Variants in C8orf34 observed in about 807,000 individuals in gnomAD.
C8orf34 encodes the protein chromosome 8 open reading frame 34, also known as uncharacterized protein C8orf34.
In C8orf34, 65 loss-of-function variants were observed where a neutral mutation model predicts 68.3. That is an observed-to-expected ratio of 0.95 (90% CI 0.78 to 1.17). The LOEUF is 1.17. Ranked by LOEUF, C8orf34 falls within the 50% of genes most tolerant of loss-of-function variation. The pLI is 0.00. For synonymous variants in C8orf34, 244 were observed against 241.2 expected (o/e 1.01, Z -0.11); for missense variants, 664 against 655.4 (o/e 1.01, Z -0.14).
chr8:68,380,869 G>T (rs150348830), intron 1 of C8orf34, among the ~76,000 whole-genome samples: 1 of 152,200 alleles, frequency 6.6e-6, no homozygotes, highest in East Asian at 1.9e-4. Context: ...AGATTGTTTT[G>T]GGAAAACATT....
intron 8 of C8orf34, among the ~76,000 whole-genome samples, chr8:68,696,552 A>AG (rs1486536195): frequency 2.0e-5 from 3 of 151,710 alleles, no homozygotes; most frequent in African/African-American, 7.2e-5. Context: ...GAAGAGATAC[A>AG]AAATCTAATG....
At chr8:68,376,259 T>C (rs1807794397) in intron 1 of C8orf34, among the ~76,000 whole-genome samples, 1 of 140,664 alleles carries the variant, frequency 7.1e-6, no homozygotes, top group Non-Finnish European at 1.5e-5. Context: ...AAAGAAAAAG[T>C]GCAGCTCTTC....
At chr8:68,624,427 A>G (rs1182582505) in intron 7 of C8orf34, among the ~76,000 whole-genome samples, 1 of 152,218 alleles carries the variant, frequency 6.6e-6, no homozygotes, top group African/African-American at 2.4e-5. Flanking sequence ...AGGTGCATGT[A>G]TAACACTTCA....
intron 10 of C8orf34, among the ~76,000 whole-genome samples, chr8:68,763,422 A>G (rs1052412036): frequency 1.3e-5 from 2 of 152,200 alleles, no homozygotes; most frequent in East Asian, 1.9e-4. Flanking sequence ...GTGGTAGGCA[A>G]TTCAACTGGA....
At chr8:68,581,479 T>C (rs1002675604) in intron 7 of C8orf34, among the ~76,000 whole-genome samples, 1 of 152,112 alleles carries the variant, frequency 6.6e-6, no homozygotes, top group Non-Finnish European at 1.5e-5. Flanking sequence ...TTTCTGAATC[T>C]GCTGTTTTCT....
intron 8 of C8orf34, among the ~76,000 whole-genome samples, chr8:68,650,604 C>T (rs1198248862): frequency 6.6e-6 from 1 of 151,656 alleles, no homozygotes; most frequent in Admixed American, 6.6e-5. Context: ...CTCAGCCTCC[C>T]AAGTAGCTGG....
intron 5 of C8orf34, among the ~76,000 whole-genome samples, chr8:68,512,519 A>G (rs1204517265): frequency 6.6e-6 from 1 of 152,204 alleles, no homozygotes; most frequent in African/African-American, 2.4e-5. Flanking sequence ...GATATTATGA[A>G]ATAGAATTCC....
rs746097887 is a variant in C8orf34 at position 68,640,424 on chromosome 8, C to A, written c.1154C>A (p.Ser385Tyr). The A allele has an allele frequency of 6.2e-7, 1 of 1,613,832 alleles. No homozygotes were observed. The highest frequency in any genetic ancestry group is 1.3e-5 in the African/African-American group (1 of 74,988). ...RMEGVTTLVP[S>Y]GSKFNQGRPT... ...GAGGGAGTAACAACCCTGGTACCTT[C>A]TGGGAGCAAATTTAACCAAGGCCGT... The change falls in exon 8 of 14, where the codon TCT becomes TAT. Residue 385 changes from serine to tyrosine, a missense_variant. Ser to Tyr is a moderately radical substitution (Grantham distance 144). Coordinates refer to ENST00000518698, the MANE Select transcript of C8orf34 (RefSeq NM_052958.4).
At chr8:68,419,669 T>C (rs1309057180) in intron 1 of C8orf34, among the ~76,000 whole-genome samples, 1 of 151,704 alleles carries the variant, frequency 6.6e-6, no homozygotes, top group African/African-American at 2.4e-5. Context: ...TGAGTTCATG[T>C]CCTTTGTAGG....
intron 5 of C8orf34, among the ~76,000 whole-genome samples, chr8:68,509,623 A>AT: frequency 6.6e-6 from 1 of 152,114 alleles, no homozygotes; most frequent in Non-Finnish European, 1.5e-5. Flanking sequence ...AAAAGAAGGC[A>AT]TTTTTTAAAG....
intron 7 of C8orf34, among the ~76,000 whole-genome samples, chr8:68,579,970 G>T (rs1817015281): frequency 6.6e-6 from 1 of 151,996 alleles, no homozygotes; most frequent in African/African-American, 2.4e-5. Context: ...AGCCATCCGG[G>T]CTCAGGTTAT....
At chr8:68,434,944 G>A (rs1017924369) in intron 1 of C8orf34, among the ~76,000 whole-genome samples, 4 of 151,724 alleles carry the variant, frequency 2.6e-5, no homozygotes, top group Admixed American at 6.6e-5. Context: ...AGCTACTCAG[G>A]AGGCTGAGGC....
chr8:68,488,501 G>T (rs1425121849), intron 5 of C8orf34, among the ~76,000 whole-genome samples: 1 of 152,060 alleles, frequency 6.6e-6, no homozygotes, highest in African/African-American at 2.4e-5. Flanking sequence ...TTGAAGTGGG[G>T]TAGTAGTTAT....
chr8:68,705,775 C>A, intron 8 of C8orf34, among the ~76,000 whole-genome samples: 1 of 150,112 alleles, frequency 6.7e-6, no homozygotes, highest in African/African-American at 2.5e-5. Context: ...TGTTCATATG[C>A]TGTGGGAAAT....
chr8:68,427,934 T>C (rs2129624456), intron 1 of C8orf34, among the ~76,000 whole-genome samples: 2 of 148,246 alleles, frequency 1.3e-5, no homozygotes, highest in South Asian at 4.2e-4. Flanking sequence ...GATTATTTCA[T>C]CCTTATTATA....
At chr8:68,560,350 T>C (rs1816385567) in intron 7 of C8orf34, among the ~76,000 whole-genome samples, 1 of 152,184 alleles carries the variant, frequency 6.6e-6, no homozygotes, top group African/African-American at 2.4e-5. Flanking sequence ...ATCCTGAACA[T>C]TTTACTCTAA....
chr8:68,666,959 A>G (rs189142989), intron 8 of C8orf34, among the ~76,000 whole-genome samples: 99 of 152,332 alleles, frequency 6.5e-4, no homozygotes, highest in Middle Eastern at 3.4e-3. Flanking sequence ...TCACTATAAT[A>G]TGTACACACT....
chr8:68,450,718 A>G (rs1237024438), intron 3 of C8orf34, among the ~76,000 whole-genome samples: 2 of 152,118 alleles, frequency 1.3e-5, no homozygotes, highest in African/African-American at 2.4e-5. Flanking sequence ...TCAGTAAACC[A>G]TGCTGGAAAC....
chr8:68,744,082 C>T (rs1471419788), intron 10 of C8orf34, among the ~76,000 whole-genome samples: 1 of 152,156 alleles, frequency 6.6e-6, no homozygotes, highest in East Asian at 1.9e-4. Context: ...GACCCCTGAC[C>T]CCCAAGCAGC....
Sources: gnomAD v4.1 joint callset for allele counts (sites outside exome capture counted in the v4.1 genomes callset) on GRCh38, gnomAD v4.1.1 for gene constraint, MANE v1.5 for transcripts, NCBI Gene and HGNC (gene_info 2026-07-23, HGNC 2026-07-21) for gene names.